Variants in UBAC2 observed in about 807,000 individuals in gnomAD.
UBAC2 encodes the protein UBA domain containing 2, also known as ubiquitin-associated domain-containing protein 2.
In UBAC2, 26 loss-of-function variants were observed where a neutral mutation model predicts 44.0. The ratio of observed to expected loss-of-function variants is 0.59; its 90% CI spans 0.43 to 0.82. The LOEUF (loss-of-function observed/expected upper bound fraction) is 0.82. UBAC2 is among the 40% of genes least tolerant of loss of function. The pLI is 0.00. For missense variants in UBAC2, 329 were observed against 419.4 expected, an observed-to-expected ratio of 0.78 and a Z score of 1.88; for synonymous variants, 155 against 154.3, an observed-to-expected ratio of 1.00 and a Z score of -0.04.
Position 99,200,924 on chromosome 13 carries a change from G to A in UBAC2, c.16G>A (p.Gly6Ser). 4 of 1,304,162 alleles carry A rather than the reference G, an allele frequency of 3.1e-6. No individual in the cohort carries two copies. The highest frequency in any genetic ancestry group is 3.9e-6 in the Non-Finnish European group (4 of 1,018,232). The allele number at this position is 1,304,162 out of a possible 1,614,324, so 80.8% of individuals were successfully genotyped here. ...CGGCGGGACCATGTTCACCAGCACC[G>A]GCTCCAGTGGGCTCTGTGAGTACCG... MFTST[G>S]SSGLYKAPLS... Residue 6 changes from glycine (G) to serine (S), a missense_variant, in exon 1 of 9, where the codon GGC becomes AGC. Gly to Ser is a moderately conservative substitution (Grantham distance 56, BLOSUM62 0). Transcript: ENST00000403766.
intron 4 of UBAC2, among the ~76,000 whole-genome samples, chr13:99,251,334 T>C (rs74860258): frequency 0.012 from 1,756 of 152,334 alleles, 41 homozygotes; most frequent in African/African-American, 0.04. Flanking sequence ...AGAGATAGTT[T>C]GGGCTTTCCT....
At chr13:99,245,497 T>C (rs1002450129) in intron 4 of UBAC2, among the ~76,000 whole-genome samples, 2 of 152,052 alleles carry the variant, frequency 1.3e-5, no homozygotes, top group African/African-American at 4.8e-5. Context: ...CATGTATTAG[T>C]GTGTGAAATA....
chr13:99,276,205 C>G (rs1156885441), intron 4 of UBAC2, among the ~76,000 whole-genome samples: 3 of 152,132 alleles, frequency 2.0e-5, no homozygotes, highest in Non-Finnish European at 2.9e-5. Context: ...TTCTGAGTGT[C>G]CAGCAGTTCA....
At chr13:99,287,322 A>G (rs2044030820) in intron 4 of UBAC2, among the ~76,000 whole-genome samples, 1 of 152,092 alleles carries the variant, frequency 6.6e-6, no homozygotes, top group Non-Finnish European at 1.5e-5. Context: ...AGTAGAGCTC[A>G]TAGGAGATTG....
At chr13:99,282,794 C>G (rs1192359826) in intron 4 of UBAC2, among the ~76,000 whole-genome samples, 3 of 152,128 alleles carry the variant, frequency 2.0e-5, no homozygotes, top group African/African-American at 7.2e-5. Flanking sequence ...AAAAAAAATT[C>G]AAAATGCTAA....
chr13:99,230,989 A>T (rs1267804028), intron 1 of UBAC2, among the ~76,000 whole-genome samples: 1 of 152,142 alleles, frequency 6.6e-6, no homozygotes, highest in Non-Finnish European at 1.5e-5. Context: ...CGGAGGTTGC[A>T]GTGAGCTGAG....
At chr13:99,203,776 A>G (rs2042834957) in intron 1 of UBAC2, among the ~76,000 whole-genome samples, 1 of 152,232 alleles carries the variant, frequency 6.6e-6, no homozygotes, top group Admixed American at 6.5e-5. Flanking sequence ...CACGGAGGGT[A>G]GCCGGGAAGG....
intron 7 of UBAC2, among the ~76,000 whole-genome samples, chr13:99,347,993 G>A (rs532410674): frequency 6.6e-6 from 1 of 152,200 alleles, no homozygotes; most frequent in African/African-American, 2.4e-5. Flanking sequence ...GCTCTCAGTA[G>A]TTCCTTGCCC....
At chr13:99,277,056 A>G (rs2043893154) in intron 4 of UBAC2, among the ~76,000 whole-genome samples, 2 of 152,234 alleles carry the variant, frequency 1.3e-5, no homozygotes, top group African/African-American at 4.8e-5. Flanking sequence ...AGGTTTGCCA[A>G]GATAGCTACC....
At chr13:99,238,267 G>C (rs1437508928) in intron 1 of UBAC2, among the ~76,000 whole-genome samples, 160 bp from the exon 2 acceptor site, 4 of 152,130 alleles carry the variant, frequency 2.6e-5, no homozygotes, top group Non-Finnish European at 5.9e-5. Context: ...TACATCCCCA[G>C]GTCGATGTTT....
intron 1 of UBAC2, among the ~76,000 whole-genome samples, chr13:99,229,471 G>A (rs1393816513): frequency 6.6e-6 from 1 of 152,240 alleles, no homozygotes; most frequent in Non-Finnish European, 1.5e-5. Flanking sequence ...AGCAATGGAT[G>A]TTGTGCTGGA....
At chr13:99,276,127 G>A (rs534378582) in intron 4 of UBAC2, among the ~76,000 whole-genome samples, 1 of 152,236 alleles carries the variant, frequency 6.6e-6, no homozygotes, top group South Asian at 2.1e-4. Context: ...TAAATCTCCA[G>A]CCATCTGCCA....
intron 2 of UBAC2, among the ~76,000 whole-genome samples, chr13:99,243,233 C>CTTTTTTTTTTTTT (rs773750160): frequency 2.1e-5 from 2 of 94,252 alleles, no homozygotes; most frequent in East Asian, 3.2e-4. Flanking sequence ...TTGAGTAGCT[C>CTTTTTTTTTTTTT]TTTTTTTTTT....
chr13:99,347,323 C>CA (rs2045002353), intron 7 of UBAC2, among the ~76,000 whole-genome samples: 1 of 67,674 alleles, frequency 1.5e-5, no homozygotes, highest in African/African-American at 4.3e-5. Flanking sequence ...CCGGGCGCCC[C>CA]CCCCCCCCCC....
At chr13:99,340,696 A>G (rs1011797494) in intron 7 of UBAC2, 131 bp downstream of exon 7, 1 of 1,070,162 alleles carries the variant, frequency 9.3e-7, no homozygotes, top group African/African-American at 1.6e-5. Context: ...TGACATTTCC[A>G]AAGAGATTGT....
Position 99,352,181 on chromosome 13 carries a change from G to A in UBAC2, c.807+11616G>A, listed in dbSNP as rs538521218. Among the ~76,000 whole-genome samples, 7 of 152,260 alleles carry A rather than the reference G, an allele frequency of 4.6e-5. No individual in the cohort carries two copies. In the South Asian group the frequency reaches 1.2e-3, roughly 27 times the overall value. On this transcript the variant is annotated intron_variant, in intron 7 of 8. Transcript: ENST00000403766. ...TTAAAAGTATTTACTGGTCCTTGAT[G>A]TATTTTTTAGCAGCTGATGGAATTC...
At chr13:99,227,084 G>A (rs545363322) in intron 1 of UBAC2, among the ~76,000 whole-genome samples, 4 of 152,102 alleles carry the variant, frequency 2.6e-5, no homozygotes, top group Non-Finnish European at 4.4e-5. Context: ...TGTAATCCCA[G>A]CTACTCGGGA....
chr13:99,250,570 A>G (rs2043445652), intron 4 of UBAC2, among the ~76,000 whole-genome samples: 1 of 151,270 alleles, frequency 6.6e-6, no homozygotes, highest in African/African-American at 2.4e-5. Context: ...TTTTGGTTCT[A>G]TATGAATTTT....
intron 8 of UBAC2, among the ~76,000 whole-genome samples, chr13:99,368,723 G>GTA (rs1307570138): frequency 8.8e-4 from 131 of 148,972 alleles, no homozygotes; most frequent in African/African-American, 3.1e-3. Flanking sequence ...GTGTGTGTGT[G>GTA]TGTACACATA....
Sources: gnomAD v4.1 joint callset for allele counts (sites outside exome capture counted in the v4.1 genomes callset) on GRCh38, gnomAD v4.1.1 for gene constraint, MANE v1.5 for transcripts, NCBI Gene and HGNC (gene_info 2026-07-23, HGNC 2026-07-21) for gene names.